The following ZNF225 variants were observed in gnomAD, a reference collection of about 807,000 sequenced individuals.
The protein encoded by ZNF225 is zinc finger protein 225.
A neutral mutation model predicts 12.0 loss-of-function variants in ZNF225; 6 were observed. That is an observed-to-expected ratio of 0.50 (90% confidence interval 0.27 to 0.98). ZNF225 has a LOEUF of 0.98. ZNF225 is among the 50% of genes least tolerant of loss of function. The pLI is 0.11. For missense variants in ZNF225, 763 were observed against 848.2 expected (o/e 0.90, Z 1.25); for synonymous variants, 271 against 283.2 (o/e 0.96, Z 0.43).
At chr19:44,114,122 CAG>C (rs1967888074) in intron 1 of ZNF225, 1 of 667,128 alleles carries the variant, frequency 1.5e-6, no homozygotes, top group Non-Finnish European at 2.5e-6. Flanking sequence ...CGACCACGGT[CAG>C]AGTGTTTCAC....
rs142723699 is a variant in ZNF225, at chr19:44,113,874, T to G, written c.-69+305T>G. On this transcript the variant is annotated intron_variant, in intron 1 of 4. Coordinates refer to ENST00000262894, the MANE Select transcript of ZNF225 (RefSeq NM_013362.4). ...TGGGAACTGAAAGCGGTAACACAAA[T>G]GAGAGCCTTAAAGCAGCCCCTGTCA... Among the ~76,000 whole-genome samples the G allele has an allele frequency of 6.8e-3, 1,037 of 152,280 alleles. 9 individuals carry two copies. Among genetic ancestry groups the G allele is most frequent in the African/African-American group, 0.024 (977 of 41,568 alleles).
At chr19:44,119,124 A>G (rs1705779791) in intron 4 of ZNF225, among the ~76,000 whole-genome samples, 1 of 151,992 alleles carries the variant, frequency 6.6e-6, no homozygotes, top group East Asian at 1.9e-4. Flanking sequence ...CTGGCTTCTT[A>G]TGTTTACTTA....
intron 4 of ZNF225, among the ~76,000 whole-genome samples, chr19:44,125,052 C>T (rs943015235): frequency 1.3e-5 from 2 of 152,160 alleles, no homozygotes; most frequent in Non-Finnish European, 2.9e-5. Flanking sequence ...TTGCATTCAT[C>T]TTGCTATTTG....
rs78711018 is a variant in ZNF225, at chr19:44,131,240, G to T, written c.626G>T (p.Cys209Phe). Residue 209 changes from cysteine to phenylalanine, a missense_variant, in exon 5 of 5, where the codon TGT (cysteine) becomes TTT (phenylalanine). Cys to Phe is a radical substitution (Grantham distance 205, BLOSUM62 -2). Coordinates refer to ENST00000262894, the MANE Select transcript of ZNF225 (RefSeq NM_013362.4). The part of the protein sequence containing the change: ...MGEKLYNCDV[C>F]GKEFNQSSHL... ...GAGAAACTCTATAATTGTGATGTGT[G>T]TGGTAAGGAATTCAATCAGAGCTCA... is the stretch of plus-strand genomic sequence containing the variant. 1.2e-6 allele frequency: 2 copies of T among 1,614,220 alleles called. No homozygotes were observed. The highest frequency in any genetic ancestry group is 1.7e-6 in the Non-Finnish European group (2 of 1,180,040).
rs1599683163 is a variant in ZNF225 at position 44,132,119 on chromosome 19, A to G, written c.1505A>G (p.His502Arg). ...ACTCAGAATTCACAACTTTATACCC[A>G]TCGTAGAGTCCACAGTGGAGAAAAA... ...RFTQNSQLYT[H>R]RRVHSGEKPF... The change falls in exon 5 of 5, where the codon CAT becomes CGT. Residue 502 changes from histidine (H) to arginine (R), a missense_variant. Coordinates refer to ENST00000262894, the MANE Select transcript of ZNF225 (RefSeq NM_013362.4). The G allele has an allele frequency of 6.2e-7, 1 of 1,614,148 alleles. No individual in the cohort carries two copies. The highest frequency in any genetic ancestry group is 8.5e-7 in the Non-Finnish European group (1 of 1,179,980).
chr19:44,124,988 G>A (rs538934268), intron 4 of ZNF225, among the ~76,000 whole-genome samples: 1 of 152,302 alleles, frequency 6.6e-6, no homozygotes, highest in Admixed American at 6.5e-5. Context: ...TATCTTTTAA[G>A]TGGAGCATTT....
chr19:44,116,187 T>G lies in ZNF225; in HGVS notation c.15+345T>G, dbSNP rs531489667. Among the ~76,000 whole-genome samples, 20 of 152,300 alleles carry G rather than the reference T, an allele frequency of 1.3e-4. 1 individual carries two copies. The South Asian group carries it at 3.9e-3, about 30-fold the overall frequency. On this transcript the variant is annotated intron_variant, in intron 2 of 4. Coordinates refer to ENST00000262894, the MANE Select transcript of ZNF225 (RefSeq NM_013362.4). ...GTATTTCTTCTCACTACTCATATTC[T>G]CACAGGTTCTTCTCAGTCTTGGGAA...
chr19:44,125,316 A>G (rs777901926), intron 4 of ZNF225, among the ~76,000 whole-genome samples: 11 of 152,206 alleles, frequency 7.2e-5, no homozygotes, highest in Non-Finnish European at 1.3e-4. Context: ...TGGATACAAA[A>G]TTCTTGGCTG....
At chr19:44,130,700 C>CAAA (rs775988972) in intron 4 of ZNF225, 150 bp from the exon 5 acceptor site, 44,324 of 163,664 alleles carry the variant, frequency 0.27, 6,481 homozygotes, top group Non-Finnish European at 0.31. Flanking sequence ...GACTCCATCT[C>CAAA]AAAAAAAAAA....
chr19:44,114,291 G>T, intron 1 of ZNF225: 1 of 602,802 alleles, frequency 1.7e-6, no homozygotes, highest in South Asian at 2.2e-5. Context: ...CTTCGGGCAT[G>T]GGTGTTGCTT....
intron 4 of ZNF225, among the ~76,000 whole-genome samples, chr19:44,121,455 T>G (rs1164432498): frequency 1.3e-5 from 2 of 152,242 alleles, no homozygotes; most frequent in African/African-American, 2.4e-5. Context: ...GCTGTAAACA[T>G]GCATGTGCAA....
Position 44,131,269 on chromosome 19 carries a change from C to T in ZNF225, c.655C>T (p.Leu219=), listed in dbSNP as rs1968251190. ...TAAGGAATTCAATCAGAGCTCACATCTGCAAATTCATCAGAGAATCCACAC... is the reference window on the plus strand; with the variant it reads ...TAAGGAATTCAATCAGAGCTCACATTTGCAAATTCATCAGAGAATCCACAC... ...CGKEFNQSSH[L]QIHQRIHTGE... Residue 219 remains leucine (L), a synonymous_variant, in exon 5 of 5, where the codon CTG becomes TTG. Coordinates refer to ENST00000262894, the MANE Select transcript of ZNF225 (RefSeq NM_013362.4). 2 of 1,614,104 alleles carry T rather than the reference C, an allele frequency of 1.2e-6. No homozygotes were observed.
intron 3 of ZNF225, 38 bp downstream of exon 3, chr19:44,118,352 C>T: frequency 1.9e-6 from 3 of 1,609,852 alleles, no homozygotes; most frequent in Admixed American, 1.7e-5. Flanking sequence ...ACATCAGGAC[C>T]AGGAGTGGCT....
At chr19:44,120,724 T>A (rs1303361747) in intron 4 of ZNF225, among the ~76,000 whole-genome samples, 3 of 152,204 alleles carry the variant, frequency 2.0e-5, no homozygotes, top group Non-Finnish European at 4.4e-5. Context: ...TTTTATTTTT[T>A]AAAAATTTTC....
rs34168037 is a variant in ZNF225, at chr19:44,131,419, T to C, written c.805T>C (p.Phe269Leu). Residue 269 changes from phenylalanine (F) to leucine (L), a missense_variant, in exon 5 of 5, where the codon TTC becomes CTC. Phe to Leu is a conservative substitution (Grantham distance 22). Transcript: ENST00000262894. Reference protein sequence around the residue: ...PHICEKCGKAFIHDSQLQEHQ... With the variant: ...PHICEKCGKALIHDSQLQEHQ... ...TATTTGTGAGAAATGTGGGAAGGCC[T>C]TCATTCATGATTCCCAGCTTCAGGA... 5.6e-6 allele frequency: 9 copies of C among 1,614,052 alleles called. No homozygotes were observed. In the Admixed American group the frequency reaches 1.5e-4, roughly 27 times the overall value.
chr19:44,130,654 T>A (rs1968226396), intron 4 of ZNF225, 196 bp from the exon 5 acceptor site: 3 of 451,846 alleles, frequency 6.6e-6, no homozygotes, highest in Non-Finnish European at 7.3e-6. Context: ...TGAGCGGAGA[T>A]CACGCCACTG....
At chr19:44,121,485 A>G (rs1284384319) in intron 4 of ZNF225, among the ~76,000 whole-genome samples, 1 of 152,190 alleles carries the variant, frequency 6.6e-6, no homozygotes, top group East Asian at 1.9e-4. Context: ...TCGTGTAATG[A>G]CTTCTTTTCC....
rs567730885 is a variant in ZNF225, at chr19:44,122,427, G to A, written c.235+3853G>A. On this transcript the variant is annotated intron_variant, in intron 4 of 4. Transcript: ENST00000262894. ...TTATAGTATAGTTTGAAATCAGTTA[G>A]TGTGATGCCTCCAGATTTGTTCTTT... Among the ~76,000 whole-genome samples, 4 of 152,246 alleles carry A rather than the reference G, an allele frequency of 2.6e-5. No homozygotes were observed. The South Asian group carries it at 8.3e-4, about 32-fold the overall frequency.
At chr19:44,129,099 G>A (rs1010647574) in intron 4 of ZNF225, 46 of 1,231,378 alleles carry the variant, frequency 3.7e-5, no homozygotes, top group Non-Finnish European at 4.5e-5. Context: ...TCTATTTCAG[G>A]TAACCAAGTT....
Sources: allele counts gnomAD v4.1 joint callset (sites outside exome capture counted in the v4.1 genomes callset), GRCh38; gene constraint gnomAD v4.1.1; transcripts MANE v1.5; gene names NCBI Gene and HGNC (gene_info 2026-07-23, HGNC 2026-07-21).